PPP1R16B: variants seen among roughly 807,000 people sequenced by gnomAD.
PPP1R16B encodes protein phosphatase 1 regulatory inhibitor subunit 16B.
A neutral mutation model predicts 61.7 loss-of-function variants in PPP1R16B; 14 were observed. The observed-to-expected ratio is 0.23, with a 90% CI of 0.15 to 0.35. The LOEUF is 0.35. PPP1R16B is among the 10% of genes least tolerant of loss of function. The pLI is 1.00. For missense variants in PPP1R16B, 547 were observed against 752.5 expected, an observed-to-expected ratio of 0.73 and a Z score of 3.19; for synonymous variants, 266 against 305.3, an observed-to-expected ratio of 0.87 and a Z score of 1.34.
chr20:38,889,952 G>A (rs2085280260), intron 3 of PPP1R16B, among the ~76,000 whole-genome samples: 1 of 152,252 alleles, frequency 6.6e-6, no homozygotes, highest in African/African-American at 2.4e-5. Context: ...GAAAGCAAGT[G>A]TGTTTGGAGC....
chr20:38,893,912 A>G (rs1433828984), intron 3 of PPP1R16B, among the ~76,000 whole-genome samples: 1 of 151,890 alleles, frequency 6.6e-6, no homozygotes, highest in African/African-American at 2.4e-5. Flanking sequence ...GGGGCTCCTC[A>G]GCGGCATCTC....
intron 2 of PPP1R16B, among the ~76,000 whole-genome samples, chr20:38,889,135 CT>C: frequency 6.6e-6 from 1 of 152,134 alleles, no homozygotes; most frequent in East Asian, 1.9e-4. Context: ...TGCTGAGCCC[CT>C]GGCATGGCTC....
In PPP1R16B at chr20:38,820,558, CA is replaced by C. The variant is rs575200975; in HGVS notation, c.-102+14778del. 4.0e-4 allele frequency among the ~76,000 whole-genome samples: 50 copies of C among 126,036 alleles called. 1 individual carries two copies. The highest frequency in any genetic ancestry group is 1.3e-3 in the Admixed American group (16 of 12,382). The allele number at this position is 126,036 out of a possible 152,430, so 82.7% of individuals were successfully genotyped here. ...GGGCAACAAGAACGAAACTTCGTCTCAAAAAAAAAAAACAAATTTCTGTTGG... is the reference window on the plus strand; with the variant it reads ...GGGCAACAAGAACGAAACTTCGTCTCAAAAAAAAAAACAAATTTCTGTTGG... On this transcript the variant is annotated intron_variant, in intron 1 of 10. Coordinates refer to ENST00000299824, the MANE Select transcript of PPP1R16B (RefSeq NM_015568.4).
At chr20:38,836,534 A>AT (rs2084873792) in intron 2 of PPP1R16B, among the ~76,000 whole-genome samples, 1 of 152,080 alleles carries the variant, frequency 6.6e-6, no homozygotes, top group South Asian at 2.1e-4. Context: ...AACAAAAAAA[A>AT]TTTGTAGAGA....
At chr20:38,824,719 A>G (rs976833783) in intron 1 of PPP1R16B, among the ~76,000 whole-genome samples, 1 of 152,240 alleles carries the variant, frequency 6.6e-6, no homozygotes, top group South Asian at 2.1e-4. Context: ...AACAAACTAT[A>G]TGAAAAGTTT....
At chr20:38,892,799 C>T (rs1275359881) in intron 3 of PPP1R16B, among the ~76,000 whole-genome samples, 2 of 152,166 alleles carry the variant, frequency 1.3e-5, no homozygotes, top group Non-Finnish European at 1.5e-5. Context: ...TGAGTAGGAG[C>T]TTGCTAGCTA....
intron 3 of PPP1R16B, among the ~76,000 whole-genome samples, chr20:38,890,731 T>C (rs931393333): frequency 1.3e-5 from 2 of 152,216 alleles, no homozygotes; most frequent in Non-Finnish European, 2.9e-5. Context: ...AATATGTGCA[T>C]GTTGAATTAA....
intron 2 of PPP1R16B, among the ~76,000 whole-genome samples, chr20:38,860,988 C>T (rs932562299): frequency 6.6e-6 from 1 of 152,178 alleles, no homozygotes; most frequent in Non-Finnish European, 1.5e-5. Context: ...TCCGTGTTCT[C>T]CTCCAGTAGT....
chr20:38,839,977 G>A (rs1466497548), intron 2 of PPP1R16B, among the ~76,000 whole-genome samples: 1 of 152,226 alleles, frequency 6.6e-6, no homozygotes, highest in East Asian at 1.9e-4. Flanking sequence ...AGACCCCATG[G>A]GCTGGTCCCC....
At chr20:38,815,626 CT>C (rs1183640635) in intron 1 of PPP1R16B, among the ~76,000 whole-genome samples, 1 of 152,238 alleles carries the variant, frequency 6.6e-6, no homozygotes, top group East Asian at 1.9e-4. Context: ...CAGTGTATGA[CT>C]GTTTCCCCCA....
chr20:38,814,774 C>G (rs1049401078), intron 1 of PPP1R16B, among the ~76,000 whole-genome samples: 2 of 152,172 alleles, frequency 1.3e-5, no homozygotes, highest in African/African-American at 4.8e-5. Flanking sequence ...CTGGAGAGTT[C>G]TCAGAATGTC....
At chr20:38,840,814 G>C (rs2084904546) in intron 2 of PPP1R16B, among the ~76,000 whole-genome samples, 1 of 152,196 alleles carries the variant, frequency 6.6e-6, no homozygotes, top group East Asian at 1.9e-4. Context: ...TTACTTCTCA[G>C]TGCCTCCATC....
At position 38,861,973 on chromosome 20, in the gene PPP1R16B, C is replaced by A. The variant is rs142993268; in HGVS notation, c.250+25798C>A. Among the ~76,000 whole-genome samples the A allele has an allele frequency of 3.0e-3, 451 of 152,314 alleles. 2 individuals carry two copies. Among genetic ancestry groups the A allele is most frequent in the African/African-American group, 0.01 (429 of 41,562 alleles). ...TACAGGCGTGAGCCACCGTGCCTGG[C>A]CTACAGTTCTTCTTTTGCTTCTGGT... On this transcript the variant is annotated intron_variant, in intron 2 of 10. Coordinates refer to ENST00000299824, the MANE Select transcript of PPP1R16B (RefSeq NM_015568.4).
chr20:38,867,901 G>A (rs543596182), intron 2 of PPP1R16B, among the ~76,000 whole-genome samples: 1 of 152,298 alleles, frequency 6.6e-6, no homozygotes, highest in African/African-American at 2.4e-5. Flanking sequence ...TCAAACTCCC[G>A]ACCTCAGGTG....
At chr20:38,900,723 A>G (rs755750884) in intron 5 of PPP1R16B, 39 bp downstream of exon 5, 1 of 1,434,690 alleles carries the variant, frequency 7.0e-7, no homozygotes, top group Admixed American at 2.5e-5. Flanking sequence ...AGCACAGCAC[A>G]GAGTTGCAGA....
chr20:38,902,921 C>CAAT, intron 6 of PPP1R16B, 129 bp downstream of exon 6: 1 of 1,409,018 alleles, frequency 7.1e-7, no homozygotes, highest in Non-Finnish European at 9.6e-7. Context: ...TCCTTTTGGG[C>CAAT]CAGGATTGCC....
At chr20:38,868,213 C>G (rs551107587) in intron 2 of PPP1R16B, among the ~76,000 whole-genome samples, 112 of 152,326 alleles carry the variant, frequency 7.4e-4, no homozygotes, top group Middle Eastern at 3.4e-3. Context: ...GGCACAGTCC[C>G]TCTGAACAAC....
At chr20:38,888,918 CA>C (rs2085268846) in intron 2 of PPP1R16B, among the ~76,000 whole-genome samples, 2 of 151,520 alleles carry the variant, frequency 1.3e-5, no homozygotes, top group South Asian at 4.2e-4. Flanking sequence ...CACACACACA[CA>C]CACACACACC....
At chr20:38,816,491 G>A (rs147587890) in intron 1 of PPP1R16B, among the ~76,000 whole-genome samples, 93 of 152,330 alleles carry the variant, frequency 6.1e-4, no homozygotes, top group African/African-American at 2.2e-3. Flanking sequence ...TCAAACATCT[G>A]TCTATGTATT....
Sources: gnomAD v4.1 joint callset for allele counts (sites outside exome capture counted in the v4.1 genomes callset) on GRCh38, gnomAD v4.1.1 for gene constraint, MANE v1.5 for transcripts, NCBI Gene and HGNC (gene_info 2026-07-23, HGNC 2026-07-21) for gene names.